The following OXR1 variants were observed in gnomAD, a reference collection of about 807,000 sequenced individuals.
The protein encoded by OXR1 is oxidation resistance protein 1.
A neutral mutation model predicts 104.6 loss-of-function variants in OXR1; 41 were observed. The ratio of observed to expected loss-of-function variants is 0.39; its 90% CI spans 0.31 to 0.51. The LOEUF is 0.51. OXR1 is among the 20% of genes least tolerant of loss of function. OXR1 has a pLI of 0.77. For missense variants in OXR1, 955 were observed against 1,031.9 expected (o/e 0.93, Z 1.02); for synonymous variants, 348 against 348.4 (o/e 1.00, Z 0.01).
At chr8:106,279,292 A>G (rs1812183731) in intron 1 of OXR1, among the ~76,000 whole-genome samples, 1 of 152,194 alleles carries the variant, frequency 6.6e-6, no homozygotes, top group Admixed American at 6.5e-5. Flanking sequence ...CCATTCTGGC[A>G]TGGTAAAAAT....
At chr8:106,483,738 A>G (rs1042006331) in intron 2 of OXR1, among the ~76,000 whole-genome samples, 5 of 152,172 alleles carry the variant, frequency 3.3e-5, no homozygotes, top group African/African-American at 9.6e-5. Context: ...ATGAACAACC[A>G]AATTTCCAAG....
At chr8:106,387,057 C>T (rs1018634769) in intron 2 of OXR1, among the ~76,000 whole-genome samples, 4 of 152,046 alleles carry the variant, frequency 2.6e-5, no homozygotes, top group Non-Finnish European at 5.9e-5. Flanking sequence ...CAAGAGTTAG[C>T]AAAGATGCAC....
chr8:106,385,223 C>G (rs1563748589), intron 2 of OXR1, among the ~76,000 whole-genome samples: 1 of 152,174 alleles, frequency 6.6e-6, no homozygotes, highest in Non-Finnish European at 1.5e-5. Context: ...TTCCCTGGAA[C>G]AGCAGTTGTC....
At chr8:106,514,235 A>G (rs933376965) in intron 2 of OXR1, among the ~76,000 whole-genome samples, 5 of 152,138 alleles carry the variant, frequency 3.3e-5, no homozygotes, top group Non-Finnish European at 7.4e-5. Context: ...CCATATTTAC[A>G]TTTGTTTAAC....
intron 2 of OXR1, among the ~76,000 whole-genome samples, chr8:106,421,495 T>C (rs1171373416): frequency 6.6e-6 from 1 of 152,180 alleles, no homozygotes; most frequent in Non-Finnish European, 1.5e-5. Context: ...GCAGTTTTGC[T>C]AGTCTTGGCT....
intron 2 of OXR1, among the ~76,000 whole-genome samples, chr8:106,491,355 T>C (rs1227067352): frequency 6.6e-6 from 1 of 152,240 alleles, no homozygotes; most frequent in Non-Finnish European, 1.5e-5. Context: ...GACAAACATA[T>C]TCATTTGCCT....
At chr8:106,427,084 G>T (rs929385756) in intron 2 of OXR1, among the ~76,000 whole-genome samples, 2 of 152,086 alleles carry the variant, frequency 1.3e-5, no homozygotes, top group Non-Finnish European at 2.9e-5. Flanking sequence ...AAGACTGCAG[G>T]GCAAAGCTTC....
intron 2 of OXR1, among the ~76,000 whole-genome samples, chr8:106,404,596 T>A (rs1818140440): frequency 6.7e-6 from 1 of 150,306 alleles, no homozygotes; most frequent in South Asian, 2.1e-4. Context: ...AGCTCATTCT[T>A]TTTTTTTTTC....
chr8:106,395,903 G>A (rs1817759332), intron 2 of OXR1, among the ~76,000 whole-genome samples: 1 of 151,966 alleles, frequency 6.6e-6, no homozygotes, highest in African/African-American at 2.4e-5. Context: ...CAAAAAATGA[G>A]GAAGTGCTCA....
chr8:106,699,082 C>A (rs1455121424), intron 7 of OXR1, among the ~76,000 whole-genome samples: 1 of 152,102 alleles, frequency 6.6e-6, no homozygotes, highest in Non-Finnish European at 1.5e-5. Flanking sequence ...TTGTTAGGAC[C>A]AGAATAGCCT....
At chr8:106,411,040 G>A (rs1361754851) in intron 2 of OXR1, among the ~76,000 whole-genome samples, 1 of 152,004 alleles carries the variant, frequency 6.6e-6, no homozygotes, top group African/African-American at 2.4e-5. Flanking sequence ...CAGTGTTTTT[G>A]CCCTGATGTA....
intron 2 of OXR1, among the ~76,000 whole-genome samples, chr8:106,380,849 A>G (rs1817117510): frequency 6.6e-6 from 1 of 152,164 alleles, no homozygotes; most frequent in Non-Finnish European, 1.5e-5. Context: ...TATCTTTTAG[A>G]TGCAGGCCCT....
chr8:106,519,455 G>T (rs1194362140), intron 3 of OXR1, among the ~76,000 whole-genome samples: 1 of 152,074 alleles, frequency 6.6e-6, no homozygotes, highest in East Asian at 1.9e-4. Flanking sequence ...TTAACTTTGT[G>T]TGCTATTTTC....
chr8:106,412,338 G>A (rs924094008), intron 2 of OXR1, among the ~76,000 whole-genome samples: 1 of 152,090 alleles, frequency 6.6e-6, no homozygotes, highest in African/African-American at 2.4e-5. Context: ...GTAGGATGGG[G>A]AAATTGTGTC....
chr8:106,571,583 G>C (rs1817474609), intron 3 of OXR1, among the ~76,000 whole-genome samples: 1 of 151,970 alleles, frequency 6.6e-6, no homozygotes, highest in South Asian at 2.1e-4. Context: ...TGTCCTTCTT[G>C]CATGCAAAAT....
chr8:106,651,818 G>A (rs958430159), intron 3 of OXR1, among the ~76,000 whole-genome samples: 2 of 152,088 alleles, frequency 1.3e-5, no homozygotes, highest in African/African-American at 2.4e-5. Context: ...AATTTTGATA[G>A]GGAGTGTATT....
intron 3 of OXR1, among the ~76,000 whole-genome samples, chr8:106,548,797 T>C (rs1190637133): frequency 6.6e-6 from 1 of 152,188 alleles, no homozygotes; most frequent in Non-Finnish European, 1.5e-5. Context: ...TATGAAGAGA[T>C]TTGGATTTGA....
chr8:106,551,072 G>C (rs1815763529), intron 3 of OXR1, among the ~76,000 whole-genome samples: 1 of 152,126 alleles, frequency 6.6e-6, no homozygotes, highest in African/African-American at 2.4e-5. Context: ...TCCTTCCTCA[G>C]TGCATCCATT....
chr8:106,427,758 G>A (rs1198162344), intron 2 of OXR1, among the ~76,000 whole-genome samples: 1 of 152,192 alleles, frequency 6.6e-6, no homozygotes, highest in Non-Finnish European at 1.5e-5. Flanking sequence ...TGTCTTAGAT[G>A]AAAGGCTAGT....
Sources: gnomAD v4.1 joint callset for allele counts (sites outside exome capture counted in the v4.1 genomes callset) on GRCh38, gnomAD v4.1.1 for gene constraint, MANE v1.5 for transcripts, NCBI Gene and HGNC (gene_info 2026-07-23, HGNC 2026-07-21) for gene names.